SEPTIN9: variants seen among roughly 807,000 people sequenced by gnomAD.
SEPTIN9 encodes septin 9.
Under a neutral mutation model 56.6 loss-of-function variants are expected in SEPTIN9, and 13 were observed. That is an observed-to-expected ratio of 0.23 (90% confidence interval 0.15 to 0.37). SEPTIN9 has a LOEUF of 0.37. Ranked by LOEUF, SEPTIN9 falls within the 10% of genes least tolerant of loss-of-function variation. The probability of loss-of-function intolerance (pLI) is 1.00; values close to 1 mark genes in which losing one functional copy is unlikely to be tolerated. For synonymous variants in SEPTIN9, 332 were observed against 334.1 expected, an observed-to-expected ratio of 0.99 and a Z score of 0.07; for missense variants, 650 against 823.1, an observed-to-expected ratio of 0.79 and a Z score of 2.57.
At chr17:77,420,459 G>A (rs1238819547) in intron 3 of SEPTIN9, among the ~76,000 whole-genome samples, 1 of 152,212 alleles carries the variant, frequency 6.6e-6, no homozygotes, top group African/African-American at 2.4e-5. Flanking sequence ...TACCTGGGCA[G>A]TCCCCCACTT....
At chr17:77,382,781 G>A (rs1384407533) in intron 2 of SEPTIN9, among the ~76,000 whole-genome samples, 3 of 152,164 alleles carry the variant, frequency 2.0e-5, no homozygotes, top group East Asian at 1.9e-4. Flanking sequence ...TCCTTCATTC[G>A]CACCTTTGCA....
intron 2 of SEPTIN9, among the ~76,000 whole-genome samples, chr17:77,357,976 C>G (rs312874): frequency 1.3e-5 from 2 of 152,200 alleles, no homozygotes; most frequent in East Asian, 3.8e-4. Flanking sequence ...GGGCGTTAAA[C>G]TGTATGTTAT....
At chr17:77,461,199 G>A (rs141953573) in intron 3 of SEPTIN9, among the ~76,000 whole-genome samples, 2,072 of 152,116 alleles carry the variant, frequency 0.014, 34 homozygotes, top group African/African-American at 0.037. Context: ...CCAGTTACTC[G>A]GGAGGCTGAG....
chr17:77,337,638 T>C (rs1264081454), intron 2 of SEPTIN9, among the ~76,000 whole-genome samples: 3 of 152,180 alleles, frequency 2.0e-5, no homozygotes, highest in Non-Finnish European at 4.4e-5. Context: ...AATTTTCTAC[T>C]AGGAAAGGTG....
At chr17:77,283,494 C>T (rs1166427041) in intron 1 of SEPTIN9, among the ~76,000 whole-genome samples, 1 of 136,354 alleles carries the variant, frequency 7.3e-6, no homozygotes, top group Non-Finnish European at 1.6e-5. Flanking sequence ...GGTACGGGCA[C>T]TCGCAGGAGT....
chr17:77,484,859 GTGGTGGTGATTGTGA>G lies in SEPTIN9; in HGVS notation c.913+2529_913+2543del, dbSNP rs1271835038. The stretch of plus-strand genomic sequence containing the variant: ...GGTGGTTGTGATGGTGGTGATGTGG[GTGGTGGTGATTGTGA>G]TGGTTGTGATTGTGATGGTGGTGGT... On this transcript the variant is annotated intron_variant, in intron 4 of 11. Coordinates refer to ENST00000427177, the MANE Select transcript of SEPTIN9 (RefSeq NM_001113491.2). Among the ~76,000 whole-genome samples the G allele has an allele frequency of 3.0e-5, 4 of 132,398 alleles. No individual in the cohort carries two copies. In the South Asian group the frequency reaches 7.2e-4, roughly 24 times the overall value. The allele number at this position is 132,398 out of a possible 152,430, so 86.9% of individuals were successfully genotyped here.
chr17:77,485,090 TGG>T (rs1491553682), intron 4 of SEPTIN9, among the ~76,000 whole-genome samples: 1 of 14,478 alleles, frequency 6.9e-5, no homozygotes. Context: ...AAAGGGGTGA[TGG>T]TGGTGATTGT....
intron 3 of SEPTIN9, among the ~76,000 whole-genome samples, chr17:77,481,574 G>A (rs984333482): frequency 1.3e-5 from 2 of 152,046 alleles, no homozygotes. Context: ...CCATGGGGAT[G>A]TGGGAGGCGG....
chr17:77,457,566 T>C (rs1019932206), intron 3 of SEPTIN9, among the ~76,000 whole-genome samples: 6 of 152,206 alleles, frequency 3.9e-5, no homozygotes, highest in African/African-American at 1.2e-4. Flanking sequence ...CCAGTCCAAG[T>C]TGTGGCCTCA....
Position 77,371,983 on chromosome 17 carries a change from C to A in SEPTIN9, c.77-30076C>A, listed in dbSNP as rs1392154921. On this transcript the variant is annotated intron_variant, in intron 2 of 11. Coordinates refer to ENST00000427177, the MANE Select transcript of SEPTIN9 (RefSeq NM_001113491.2). The surrounding 1 kb of genome is among the most constrained non-coding windows in gnomAD (Gnocchi z 4.1). The stretch of plus-strand genomic sequence containing the variant: ...AGAATGGCTGGAGAGTCTCAGCACT[C>A]CTGCACATTTGGGATATTTCAGAGG... 1.3e-5 allele frequency among the ~76,000 whole-genome samples: 2 copies of A among 152,156 alleles called. No homozygotes were observed. The highest frequency in any genetic ancestry group is 4.8e-5 in the African/African-American group (2 of 41,428).
At chr17:77,460,494 G>A (rs1444104310) in intron 3 of SEPTIN9, among the ~76,000 whole-genome samples, 1 of 152,198 alleles carries the variant, frequency 6.6e-6, no homozygotes, top group African/African-American at 2.4e-5. Context: ...CAGCACAGTG[G>A]GGCTTAATTG....
intron 1 of SEPTIN9, among the ~76,000 whole-genome samples, chr17:77,306,275 G>A (rs1444603821): frequency 6.6e-6 from 1 of 152,178 alleles, no homozygotes; most frequent in Non-Finnish European, 1.5e-5. Flanking sequence ...TGGTGGGACT[G>A]GGCTGGTTAT....
At chr17:77,297,264 C>T (rs1450273575) in intron 1 of SEPTIN9, among the ~76,000 whole-genome samples, 1 of 152,138 alleles carries the variant, frequency 6.6e-6, no homozygotes, top group African/African-American at 2.4e-5. Context: ...GCCTGGGGAA[C>T]TGCTGGAGAA....
chr17:77,475,790 G>C lies in SEPTIN9; in HGVS notation c.722-6354G>C, dbSNP rs764879418. On this transcript the variant is annotated intron_variant, in intron 3 of 11. Coordinates refer to ENST00000427177, the MANE Select transcript of SEPTIN9 (RefSeq NM_001113491.2). The surrounding 1 kb of genome is among the most constrained non-coding windows in gnomAD (Gnocchi z 4.6). ...GGGCCTGGAAGGCTGACAGGGTGTGGTGAGTGCCACCGGCTCCCCTGCCGT... is the reference window on the plus strand; with the variant it reads ...GGGCCTGGAAGGCTGACAGGGTGTGCTGAGTGCCACCGGCTCCCCTGCCGT... 9 of 1,613,392 alleles carry C rather than the reference G, an allele frequency of 5.6e-6. No homozygotes were observed. The highest frequency in any genetic ancestry group is 6.8e-6 in the Non-Finnish European group (8 of 1,179,886).
intron 1 of SEPTIN9, among the ~76,000 whole-genome samples, chr17:77,289,035 G>A (rs1567975104): frequency 1.3e-5 from 2 of 152,304 alleles, no homozygotes; most frequent in Middle Eastern, 3.4e-3. Context: ...GTAGCTGGGG[G>A]TTAACGCTTT....
intron 3 of SEPTIN9, among the ~76,000 whole-genome samples, chr17:77,466,880 C>A (rs1053646724): frequency 6.6e-6 from 1 of 152,124 alleles, no homozygotes; most frequent in Non-Finnish European, 1.5e-5. Context: ...ACGCACAGCA[C>A]CGGTCAGCCC....
At chr17:77,491,042 A>G (rs539283844) in intron 8 of SEPTIN9, among the ~76,000 whole-genome samples, 183 bp downstream of exon 8, 27 of 152,238 alleles carry the variant, frequency 1.8e-4, no homozygotes, top group African/African-American at 6.3e-4. Context: ...GCCGTCCCTG[A>G]GATGGCCTCT....
Position 77,329,368 on chromosome 17 carries a change from A to G in SEPTIN9, c.76+22171A>G, listed in dbSNP as rs1598202031. Among the ~76,000 whole-genome samples, 1 of 152,184 alleles carries G rather than the reference A, an allele frequency of 6.6e-6. No homozygotes were observed. ...CCAGCAGAGGCCACTGGATGCTGAC[A>G]GGTGGCCGGCCCTGCCCAGCCTTGC... On this transcript the variant is annotated intron_variant, in intron 2 of 11. Coordinates refer to ENST00000427177, the MANE Select transcript of SEPTIN9 (RefSeq NM_001113491.2). The surrounding 1 kb of genome is among the most constrained non-coding windows in gnomAD (Gnocchi z 4.3).
At chr17:77,413,699 TA>T (rs1474091900) in intron 3 of SEPTIN9, among the ~76,000 whole-genome samples, 1 of 152,174 alleles carries the variant, frequency 6.6e-6, no homozygotes, top group Non-Finnish European at 1.5e-5. Flanking sequence ...GGACTGGGTC[TA>T]GGGGGCTGAG....
Sources: gnomAD v4.1 joint callset for allele counts (sites outside exome capture counted in the v4.1 genomes callset) on GRCh38, gnomAD v4.1.1 for gene constraint, Gnocchi (gnomAD v3.1) non-coding constraint, MANE v1.5 for transcripts, NCBI Gene and HGNC (gene_info 2026-07-23, HGNC 2026-07-21) for gene names.